Variants in PTK2B observed in about 807,000 individuals in gnomAD.
PTK2B encodes the protein protein tyrosine kinase 2 beta, also known as protein-tyrosine kinase 2-beta.
In PTK2B, 71 loss-of-function variants were observed where a neutral mutation model predicts 142.9. That is an observed-to-expected ratio of 0.50 (90% CI 0.41 to 0.61). PTK2B has a LOEUF of 0.61. Ranked by LOEUF, PTK2B falls within the 20% of genes least tolerant of loss-of-function variation. PTK2B has a pLI of 0.00. For synonymous variants in PTK2B, 519 were observed against 503.4 expected, an observed-to-expected ratio of 1.03 and a Z score of -0.42; for missense variants, 1,105 against 1,320.4, an observed-to-expected ratio of 0.84 and a Z score of 2.53.
At chr8:27,356,262 A>G (rs184963476) in intron 1 of PTK2B, among the ~76,000 whole-genome samples, 55 of 152,294 alleles carry the variant, frequency 3.6e-4, no homozygotes, top group African/African-American at 1.1e-3. Flanking sequence ...CTGTTGATCT[A>G]TTGATTCAAC....
chr8:27,353,748 G>A (rs748864648), intron 1 of PTK2B, among the ~76,000 whole-genome samples: 12 of 152,128 alleles, frequency 7.9e-5, no homozygotes, highest in Admixed American at 1.3e-4. Flanking sequence ...TGCCAACTCC[G>A]TAAACCTTAT....
chr8:27,327,301 A>T (rs1803479020), intron 1 of PTK2B, among the ~76,000 whole-genome samples: 1 of 152,138 alleles, frequency 6.6e-6, no homozygotes, highest in Non-Finnish European at 1.5e-5. Context: ...TTGGAGCAAC[A>T]CTTGGGACCT....
intron 1 of PTK2B, among the ~76,000 whole-genome samples, chr8:27,345,467 C>T (rs1804660336): frequency 6.6e-6 from 1 of 152,208 alleles, no homozygotes; most frequent in African/African-American, 2.4e-5. Flanking sequence ...CTGCCTATCC[C>T]TGGGGAATGG....
At chr8:27,412,056 A>C (rs980609602) in intron 2 of PTK2B, among the ~76,000 whole-genome samples, 1 of 152,258 alleles carries the variant, frequency 6.6e-6, no homozygotes, top group Non-Finnish European at 1.5e-5. Flanking sequence ...ATATCCTCAC[A>C]AGGCTTTGCC....
chr8:27,454,634 C>A (rs1812037075), intron 30 of PTK2B, 23 bp downstream of exon 30: 1 of 1,609,334 alleles, frequency 6.2e-7, no homozygotes, highest in African/African-American at 1.3e-5. Flanking sequence ...TTCCAGACAG[C>A]ACCATAGGCT....
Position 27,406,830 on chromosome 8 carries a change from A to G in PTK2B, c.204+9042A>G, listed in dbSNP as rs544927395. 1.1e-3 allele frequency among the ~76,000 whole-genome samples: 168 copies of G among 152,350 alleles called. 1 individual carries two copies. The highest frequency in any genetic ancestry group is 1.8e-3 in the Admixed American group (27 of 15,300). ...TGAACCCAGTCCCCATGTGAAAAAT[A>G]AAACTTTACCTGTCATGTTGAAGCG... On this transcript the variant is annotated intron_variant, in intron 2 of 30. Coordinates refer to ENST00000346049, the MANE Select transcript of PTK2B (RefSeq NM_173176.3).
At chr8:27,371,689 A>G (rs111350498) in intron 1 of PTK2B, among the ~76,000 whole-genome samples, 24 of 152,166 alleles carry the variant, frequency 1.6e-4, no homozygotes, top group African/African-American at 5.5e-4. Context: ...CTGGTATTAC[A>G]GGCATGCACC....
intron 26 of PTK2B, 65 bp from the exon 27 acceptor site, chr8:27,451,420 C>A: frequency 6.2e-7 from 1 of 1,606,156 alleles, no homozygotes; most frequent in South Asian, 1.1e-5. Flanking sequence ...AATGGGTAAC[C>A]AGGGAGGGGG....
intron 21 of PTK2B, 122 bp from the exon 22 acceptor site, chr8:27,442,753 G>A (rs941447500): frequency 3.5e-5 from 27 of 762,904 alleles, no homozygotes; most frequent in East Asian, 5.3e-5. Flanking sequence ...AGATCGAAAC[G>A]GAAATGGGAC....
chr8:27,390,447 C>G (rs554932879), intron 1 of PTK2B, among the ~76,000 whole-genome samples: 1 of 151,998 alleles, frequency 6.6e-6, no homozygotes, highest in South Asian at 2.1e-4. Context: ...CCAGCCTGGG[C>G]AACATAGAGA....
intron 1 of PTK2B, among the ~76,000 whole-genome samples, chr8:27,357,631 G>A (rs932373908): frequency 6.6e-6 from 1 of 152,234 alleles, no homozygotes; most frequent in Admixed American, 6.5e-5. Context: ...CTGAATGAGA[G>A]AGGGGAAATG....
intron 1 of PTK2B, among the ~76,000 whole-genome samples, chr8:27,397,120 G>A (rs1027911796): frequency 3.3e-5 from 5 of 152,110 alleles, no homozygotes; most frequent in African/African-American, 1.2e-4. Context: ...CAGATTTTCC[G>A]CCTTGTCCCT....
intron 2 of PTK2B, among the ~76,000 whole-genome samples, chr8:27,414,608 G>GTGTGTGTGTGTGTGTGTGTGTGTGTGTT (rs140323992): frequency 9.1e-4 from 135 of 148,974 alleles, no homozygotes; most frequent in African/African-American, 3.2e-3. Context: ...CTCTCTCTCT[G>GTGTGTGTGTGTGTGTGTGTGTGTGTGTT]TGTGTGTGTG....
At chr8:27,354,049 C>CCCTCTG (rs1184064342) in intron 1 of PTK2B, among the ~76,000 whole-genome samples, 3 of 152,086 alleles carry the variant, frequency 2.0e-5, no homozygotes, top group Admixed American at 6.5e-5. Flanking sequence ...CTGTGTCTGC[C>CCCTCTG]CCTCTGCCTC....
chr8:27,354,275 C>T (rs1805270299), intron 1 of PTK2B, among the ~76,000 whole-genome samples: 1 of 152,152 alleles, frequency 6.6e-6, no homozygotes, highest in Non-Finnish European at 1.5e-5. Flanking sequence ...CATTTCTGGA[C>T]TAACCCCCAC....
At chr8:27,321,872 C>T (rs751651232), upstream of PTK2B, among the ~76,000 whole-genome samples, 2 of 152,146 alleles carry the variant, frequency 1.3e-5, no homozygotes, top group African/African-American at 2.4e-5. Context: ...CCATACTCAA[C>T]TTATTTTGGC....
intron 2 of PTK2B, 86 bp downstream of exon 2, chr8:27,397,874 G>A: frequency 9.9e-7 from 1 of 1,011,762 alleles, no homozygotes; most frequent in Non-Finnish European, 1.4e-6. Flanking sequence ...CAGCCTCGCA[G>A]CTCTCCCATA....
In PTK2B at chr8:27,439,288, A is replaced by C. The variant is rs762973554; in HGVS notation, c.1745-21A>C. 3 of 1,599,138 alleles carry C rather than the reference A, an allele frequency of 1.9e-6. No homozygotes were observed. In the South Asian group the frequency reaches 3.3e-5, roughly 18 times the overall value. On this transcript the variant is annotated intron_variant, in intron 19 of 30. Coordinates refer to ENST00000346049, the MANE Select transcript of PTK2B (RefSeq NM_173176.3). ...TTCTGATCTTTCTTCCCTAAAAATCAACCTCTTTGCCCACCCAAAGCCTCT... is the reference window on the plus strand; with the variant it reads ...TTCTGATCTTTCTTCCCTAAAAATCCACCTCTTTGCCCACCCAAAGCCTCT...
At chr8:27,344,253 A>G (rs1377385273) in intron 1 of PTK2B, among the ~76,000 whole-genome samples, 1 of 152,138 alleles carries the variant, frequency 6.6e-6, no homozygotes, top group East Asian at 1.9e-4. Context: ...TTGGAGCAAT[A>G]TGTCTCCCCG....
Sources: gnomAD v4.1 joint callset for allele counts (sites outside exome capture counted in the v4.1 genomes callset) on GRCh38, gnomAD v4.1.1 for gene constraint, MANE v1.5 for transcripts, NCBI Gene and HGNC (gene_info 2026-07-23, HGNC 2026-07-21) for gene names.